Variants in COL6A1 observed in about 807,000 individuals in gnomAD.
The protein encoded by COL6A1 is collagen alpha-1(VI) chain.
In COL6A1, 80 loss-of-function variants were observed where a neutral mutation model predicts 145.6. That is an observed-to-expected ratio of 0.55 (90% CI 0.46 to 0.66). COL6A1 has a LOEUF of 0.66. Ranked by LOEUF, COL6A1 falls within the 30% of genes least tolerant of loss-of-function variation. COL6A1 has a pLI of 0.00. For synonymous variants in COL6A1, 638 were observed against 622.8 expected, an observed-to-expected ratio of 1.02 and a Z score of -0.36; for missense variants, 1,364 against 1,473.8, an observed-to-expected ratio of 0.93 and a Z score of 1.22.
In COL6A1 at chr21:45,999,482, G is replaced by A. The variant is rs182791863; in HGVS notation, c.1741-175G>A. 4.7e-4 allele frequency: 378 copies of A among 807,802 alleles called. 1 individual carries two copies. The African/African-American group carries it at 5.5e-3, about 12-fold the overall frequency. 50.0% of individuals were successfully genotyped at this position (807,802 alleles called of 1,614,324 possible). On this transcript the variant is annotated intron_variant, in intron 26 of 34. Transcript: ENST00000361866. The stretch of plus-strand genomic sequence containing the variant: ...ATGGCCGCCTGGACCACCAGTGTGC[G>A]AAGCCCCAGCTGCCCTCACAGCACC...
intron 20 of COL6A1, among the ~76,000 whole-genome samples, 190 bp from the exon 21 acceptor site, chr21:45,997,231 G>A (rs2077810251): frequency 6.7e-6 from 1 of 150,250 alleles, no homozygotes; most frequent in African/African-American, 2.4e-5. Context: ...CAACACTTGT[G>A]CCCAGGCCCT....
At chr21:45,991,162 G>A in intron 15 of COL6A1, 121 bp downstream of exon 15, 1 of 1,103,080 alleles carries the variant, frequency 9.1e-7, no homozygotes, top group Non-Finnish European at 1.4e-6. Flanking sequence ...CGGCCTCAGA[G>A]GGGAGGAGCT....
chr21:45,992,045 A>G lies in COL6A1; in HGVS notation c.1155A>G (p.Pro385=). Residue 385 remains proline (P), a synonymous_variant, in exon 16 of 35, where the codon CCA becomes CCG. Coordinates refer to ENST00000361866, the MANE Select transcript of COL6A1 (RefSeq NM_001848.3). ...EPGADGEAGR[P]GSSGPSGDEG... is the part of the protein sequence containing the mutation. ...GAGCTGACGGGGAGGCGGGGAGACC[A>G]GGGAGCTCGGGACCATCTGGAGACG... The G allele has an allele frequency of 1.2e-6, 2 of 1,608,576 alleles. No individual in the cohort carries two copies. Among genetic ancestry groups the G allele is most frequent in the Non-Finnish European group, 1.7e-6 (2 of 1,178,066 alleles).
chr21:46,004,736 T>C lies in COL6A1; in HGVS notation c.*723T>C. On this transcript the variant is annotated 3_prime_UTR_variant, in exon 35 of 35. Coordinates refer to ENST00000361866, the MANE Select transcript of COL6A1 (RefSeq NM_001848.3). ...CCTGGAGGCCGCTGCTGACCAGCAC[T>C]GACCCCGACCTCAGAGAGTACTCGC... is the stretch of plus-strand genomic sequence containing the variant. 1 of 447,796 alleles carries C rather than the reference T, an allele frequency of 2.2e-6. No homozygotes were observed. The highest frequency in any genetic ancestry group is 4.5e-6 in the Non-Finnish European group (1 of 221,546). The allele number at this position is 447,796 out of a possible 1,614,324, so 27.7% of individuals were successfully genotyped here.
chr21:45,992,704 G>A, intron 18 of COL6A1, 44 bp from the exon 19 acceptor site: 2 of 1,542,136 alleles, frequency 1.3e-6, no homozygotes, highest in Non-Finnish European at 1.8e-6. Flanking sequence ...CTGGGTGTGA[G>A]TTCCAGCAGC....
intron 13 of COL6A1, 70 bp downstream of exon 13, chr21:45,990,492 TGGACGGCGTGAAGGTGACCCGG>T: frequency 7.7e-6 from 2 of 259,688 alleles, no homozygotes; most frequent in East Asian, 1.1e-4. Flanking sequence ...AGGGACGGAG[TGGACGGCGTGAAGGTGACCCGG>T]GGAGGGATGG....
chr21:46,001,098 A>G, intron 29 of COL6A1, 155 bp from the exon 30 acceptor site: 1 of 1,060,372 alleles, frequency 9.4e-7, no homozygotes. Flanking sequence ...TTACGGGGCC[A>G]TGGGAGGGGG....
intron 21 of COL6A1, 34 bp from the exon 22 acceptor site, chr21:45,997,666 G>A: frequency 6.4e-7 from 1 of 1,571,672 alleles, no homozygotes; most frequent in Non-Finnish European, 8.6e-7. Context: ...ACCATGCTAA[G>A]CCTGCTCCCC....
intron 23 of COL6A1, 62 bp downstream of exon 23, chr21:45,998,233 G>T: frequency 1.3e-6 from 2 of 1,594,860 alleles, no homozygotes; most frequent in Non-Finnish European, 8.5e-7. Flanking sequence ...GCCCTCTTTA[G>T]TGGACTGGGC....
chr21:45,994,102 G>A lies in COL6A1; in HGVS notation c.1336-65G>A, dbSNP rs377584889. On this transcript the variant is annotated intron_variant, in intron 19 of 34. Coordinates refer to ENST00000361866, the MANE Select transcript of COL6A1 (RefSeq NM_001848.3). This position sits in a 1 kb window ranked among gnomAD's most constrained non-coding sequence, Gnocchi z 6.8. ...TGGACAGCATGCTGTGGCTCCCAGC[G>A]TGCCCGGGCAGCCATCCTCCCCAAG... is the stretch of plus-strand genomic sequence containing the variant. The A allele has an allele frequency of 8.7e-6, 13 of 1,497,096 alleles. No individual in the cohort carries two copies. The highest frequency in any genetic ancestry group is 4.8e-5 in the East Asian group (2 of 41,358). The allele number at this position is 1,497,096 out of a possible 1,614,324, so 92.7% of individuals were successfully genotyped here. A position where few individuals can be genotyped will look rare whatever the true frequency, so the allele number is the denominator to read the frequency against.
At chr21:45,987,547 C>A in intron 7 of COL6A1, 28 bp downstream of exon 7, 1 of 1,612,774 alleles carries the variant, frequency 6.2e-7, no homozygotes, top group African/African-American at 1.3e-5. Context: ...CCCCTGACCC[C>A]GCGCCCTGCA....
intron 27 of COL6A1, 75 bp from the exon 28 acceptor site, chr21:46,000,256 G>A (rs1043665480): frequency 3.8e-6 from 6 of 1,587,494 alleles, no homozygotes; most frequent in Admixed American, 3.3e-5. Flanking sequence ...AGGGTGACCT[G>A]GAGATCCAGC....
In COL6A1 at chr21:45,992,811, G is replaced by A; in HGVS notation, c.1335+1G>A. 6.3e-7 allele frequency: 1 copy of A among 1,594,870 alleles called. No homozygotes were observed. The highest frequency in any genetic ancestry group is 8.5e-7 in the Non-Finnish European group (1 of 1,171,052). On this transcript the variant is annotated splice_donor_variant, in intron 19 of 34. Transcript: ENST00000361866. LOFTEE classifies it high-confidence loss of function. The stretch of plus-strand genomic sequence containing the variant: ...CACGCGGGGACCAAGAGGAGACCCT[G>A]TGAGTCACAGTTCCTGGAGCTGGGA...
chr21:45,983,396 G>C lies in COL6A1; in HGVS notation c.227+633G>C, dbSNP rs567018478. The stretch of plus-strand genomic sequence containing the variant: ...TCCTGTGGGTGCACAGGGCCGCTGA[G>C]GGGGGGGCATGTAGAACGGGGCTCC... On this transcript the variant is annotated intron_variant, in intron 2 of 34. Transcript: ENST00000361866. 2.8e-5 allele frequency among the ~76,000 whole-genome samples: 4 copies of C among 141,378 alleles called. No homozygotes were observed. The East Asian group carries it at 7.8e-4, about 27-fold the overall frequency. The allele number at this position is 141,378 out of a possible 152,430, so 92.7% of individuals were successfully genotyped here.
At chr21:45,999,342 G>A (rs1461612039) in intron 26 of COL6A1, 124 bp downstream of exon 26, 7 of 1,024,664 alleles carry the variant, frequency 6.8e-6, no homozygotes, top group Non-Finnish European at 8.8e-6. Flanking sequence ...TGGGGAGCAC[G>A]TCATCTGGGA....
rs1265394771 is a variant in COL6A1 at position 45,999,148 on chromosome 21, T to G, written c.1675-5T>G. 4 of 1,595,624 alleles carry G rather than the reference T, an allele frequency of 2.5e-6. No individual in the cohort carries two copies. In the East Asian group the frequency reaches 9.0e-5, roughly 36 times the overall value. ...GTCTGTTGACACAACGCTGTTCCCT[T>G]CTAGAACAACGACATTGCACCCCGA... On this transcript the variant is annotated splice_region_variant and splice_polypyrimidine_tract_variant and intron_variant, in intron 25 of 34. Coordinates refer to ENST00000361866, the MANE Select transcript of COL6A1 (RefSeq NM_001848.3).
rs1258594809 is a variant in COL6A1 at position 45,986,614 on chromosome 21, G to C, written c.517G>C (p.Glu173Gln). 2 of 1,557,034 alleles carry C rather than the reference G, an allele frequency of 1.3e-6. No individual in the cohort carries two copies. The highest frequency in any genetic ancestry group is 1.2e-5 in the South Asian group (1 of 84,428). Reference sequence around the variant, plus strand: ...CTACAAGGAACCCTGTGGGGGGCTGGAGGATGCTGTGAACGAGGCCAAGCA... The same window carrying C: ...CTACAAGGAACCCTGTGGGGGGCTGCAGGATGCTGTGAACGAGGCCAAGCA... ...EGYKEPCGGLEDAVNEAKHLG... is the reference protein window; with the variant it reads ...EGYKEPCGGLQDAVNEAKHLG... The change falls in exon 4 of 35, where the codon GAG (glutamate) becomes CAG (glutamine). Residue 173 changes from glutamate (E) to glutamine (Q), a missense_variant. Coordinates refer to ENST00000361866, the MANE Select transcript of COL6A1 (RefSeq NM_001848.3).
chr21:46,003,477 T>C lies in COL6A1; in HGVS notation c.2551T>C (p.Phe851Leu). 1 of 1,609,378 alleles carries C rather than the reference T, an allele frequency of 6.2e-7. No individual in the cohort carries two copies. Among genetic ancestry groups the C allele is most frequent in the Non-Finnish European group, 8.5e-7 (1 of 1,179,570 alleles). Residue 851 changes from phenylalanine to leucine, a missense_variant, in exon 35 of 35, where the codon TTC becomes CTC. Transcript: ENST00000361866. ...GSHNFDTTKR[F>L]AKRLAERFLT... ...CCACAACTTTGACACCACCAAGCGC[T>C]TCGCCAAGCGCCTGGCCGAGCGCTT... is the stretch of plus-strand genomic sequence containing the variant.
intron 28 of COL6A1, 146 bp downstream of exon 28, chr21:46,000,513 C>A (rs2077837340): frequency 8.7e-7 from 1 of 1,143,080 alleles, no homozygotes; most frequent in Non-Finnish European, 1.3e-6. Flanking sequence ...CCCCTACCGG[C>A]CTCCAAAGCC....
Sources: allele counts gnomAD v4.1 joint callset (sites outside exome capture counted in the v4.1 genomes callset), GRCh38; gene constraint gnomAD v4.1.1; non-coding constraint Gnocchi (gnomAD v3.1); transcripts MANE v1.5; gene names NCBI Gene and HGNC (gene_info 2026-07-23, HGNC 2026-07-21).